The following CRTC3 variants were observed in gnomAD, a reference collection of about 807,000 sequenced individuals.
CRTC3 encodes CREB regulated transcription coactivator 3, also known as CREB-regulated transcription coactivator 3.
CRTC3 carries 26 observed loss-of-function variants against 74.5 expected under a neutral mutation model. The ratio of observed to expected loss-of-function variants is 0.35; its 90% CI spans 0.26 to 0.48. The LOEUF is 0.48. Ranked by LOEUF, CRTC3 falls within the 20% of genes least tolerant of loss-of-function variation. The probability of loss-of-function intolerance (pLI) is 0.99; values close to 1 mark genes in which losing one functional copy is unlikely to be tolerated. For synonymous variants in CRTC3, 377 were observed against 325.8 expected, an observed-to-expected ratio of 1.16 and a Z score of -1.69; for missense variants, 760 against 787.3, an observed-to-expected ratio of 0.97 and a Z score of 0.41.
chr15:90,538,043 G>C (rs996906637), intron 1 of CRTC3, among the ~76,000 whole-genome samples: 3 of 152,232 alleles, frequency 2.0e-5, no homozygotes, highest in African/African-American at 7.2e-5. Flanking sequence ...TTTTGGGTAA[G>C]AGTTGAAGCC....
chr15:90,559,268 C>T (rs1596082786), intron 2 of CRTC3, among the ~76,000 whole-genome samples: 1 of 152,136 alleles, frequency 6.6e-6, no homozygotes, highest in African/African-American at 2.4e-5. Context: ...TGAATTCTTA[C>T]AGTAACCTTA....
At chr15:90,531,006 T>G (rs942088784) in intron 1 of CRTC3, among the ~76,000 whole-genome samples, 3 of 151,812 alleles carry the variant, frequency 2.0e-5, no homozygotes, top group Admixed American at 2.0e-4. Context: ...GGGGCTGGCC[T>G]TGAGGATCCT....
rs139835228 is a variant in CRTC3 at position 90,593,648 on chromosome 15, C to A, written c.244C>A (p.Gln82Lys). ...CTTCTCTCTGCAGCCGTCATTTCAC[C>A]AAGCTGATAATGTTCGGGGAACCCG... Reference protein sequence around the residue: ...SASEFQPSFHQADNVRGTRHH... With the variant: ...SASEFQPSFHKADNVRGTRHH... The change falls in exon 3 of 15, where the codon CAA (glutamine) becomes AAA (lysine). Residue 82 changes from glutamine (Q) to lysine (K), a missense_variant. Around this residue, in one of 2 missense-constraint regions of CRTC3, gnomAD observed 108 missense variants for 152.1 expected, o/e 0.71. Transcript: ENST00000268184. 5.2e-5 allele frequency: 83 copies of A among 1,607,696 alleles called. No homozygotes were observed. In the African/African-American group the frequency reaches 1.0e-3, roughly 20 times the overall value.
chr15:90,538,220 T>C (rs926144121), intron 1 of CRTC3, among the ~76,000 whole-genome samples: 4 of 152,222 alleles, frequency 2.6e-5, no homozygotes, highest in Admixed American at 6.5e-5. Context: ...TGGCTGAGAA[T>C]TTTGTCCAGA....
At chr15:90,552,275 T>A (rs1034919876) in intron 2 of CRTC3, among the ~76,000 whole-genome samples, 1 of 152,190 alleles carries the variant, frequency 6.6e-6, no homozygotes, top group Non-Finnish European at 1.5e-5. Context: ...ATCTGGCCAC[T>A]GCCCCTCGGT....
At chr15:90,615,632 A>G (rs1008985732) in intron 7 of CRTC3, among the ~76,000 whole-genome samples, 2 of 152,242 alleles carry the variant, frequency 1.3e-5, no homozygotes, top group Non-Finnish European at 2.9e-5. Flanking sequence ...AGTGCTTCGA[A>G]GAATTCCCAA....
In CRTC3 at chr15:90,645,161, C is replaced by T. The variant is rs1403800861; in HGVS notation, c.*3021C>T. On this transcript the variant is annotated 3_prime_UTR_variant, in exon 15 of 15. Coordinates refer to ENST00000268184, the MANE Select transcript of CRTC3 (RefSeq NM_022769.5). ...TGCACAGATGGTTCCCAGCATGTGT[C>T]CAGTGCTTCATGGATGGGACCATCC... The T allele has an allele frequency of 4.4e-6, 1 of 229,816 alleles. No homozygotes were observed. The highest frequency in any genetic ancestry group is 8.6e-6 in the Non-Finnish European group (1 of 115,822). The allele number at this position is 229,816 out of a possible 1,614,324, so 14.2% of individuals were successfully genotyped here. A position where few individuals can be genotyped will look rare whatever the true frequency, so the allele number is the denominator to read the frequency against.
intron 3 of CRTC3, chr15:90,600,684 C>T (rs1411527282): frequency 6.6e-6 from 1 of 152,210 alleles, no homozygotes; most frequent in Non-Finnish European, 1.5e-5. Context: ...AGTGTGAACT[C>T]AGCACAGGCC....
intron 2 of CRTC3, among the ~76,000 whole-genome samples, chr15:90,548,768 A>C (rs1211176694): frequency 3.9e-5 from 6 of 152,236 alleles, no homozygotes; most frequent in Non-Finnish European, 7.3e-5. Context: ...TTTATGTGAT[A>C]AAACAACATA....
intron 3 of CRTC3, chr15:90,598,711 A>G: frequency 1.7e-6 from 1 of 594,142 alleles, no homozygotes; most frequent in Non-Finnish European, 3.0e-6. Flanking sequence ...AGAGAACTTG[A>G]GTAGGCAGTT....
chr15:90,545,002 C>T (rs1438983965), intron 2 of CRTC3, among the ~76,000 whole-genome samples: 1 of 152,172 alleles, frequency 6.6e-6, no homozygotes, highest in East Asian at 1.9e-4. Flanking sequence ...TAAGAATTCT[C>T]CATGTTCCCT....
intron 2 of CRTC3, among the ~76,000 whole-genome samples, chr15:90,585,447 G>C (rs1967637063): frequency 2.2e-5 from 3 of 133,768 alleles, no homozygotes; most frequent in Admixed American, 2.2e-4. Flanking sequence ...GCCCAGTCTG[G>C]AAAATTCCTT....
At chr15:90,546,844 C>T (rs904930645) in intron 2 of CRTC3, among the ~76,000 whole-genome samples, 1 of 152,130 alleles carries the variant, frequency 6.6e-6, no homozygotes, top group Non-Finnish European at 1.5e-5. Flanking sequence ...AGGATGGTCT[C>T]GATCTCCTGA....
At chr15:90,580,689 A>G (rs1212268595) in intron 2 of CRTC3, among the ~76,000 whole-genome samples, 1 of 151,798 alleles carries the variant, frequency 6.6e-6, no homozygotes, top group Non-Finnish European at 1.5e-5. Context: ...CAGCCTCCCA[A>G]AGTGCTGTGA....
At chr15:90,563,785 A>G (rs1967063725) in intron 2 of CRTC3, among the ~76,000 whole-genome samples, 1 of 152,224 alleles carries the variant, frequency 6.6e-6, no homozygotes, top group African/African-American at 2.4e-5. Context: ...CTTAGTCTGA[A>G]GGTTTTCAGC....
chr15:90,607,766 A>C lies in CRTC3; in HGVS notation c.577+288A>C, dbSNP rs60186366. Among the ~76,000 whole-genome samples the C allele has an allele frequency of 2.0e-5, 3 of 152,240 alleles. No homozygotes were observed. In the East Asian group the frequency reaches 5.8e-4, roughly 29 times the overall value. ...TAATAACTTCCTGACTGGTCTCCTG[A>C]TTTCCAGTCTCACATCCCTTCAATC... On this transcript the variant is annotated intron_variant, in intron 6 of 14. Transcript: ENST00000268184.
At chr15:90,570,950 A>G (rs990757016) in intron 2 of CRTC3, among the ~76,000 whole-genome samples, 2 of 152,244 alleles carry the variant, frequency 1.3e-5, no homozygotes, top group African/African-American at 4.8e-5. Flanking sequence ...CAGCTATGAA[A>G]AAAACTACAC....
chr15:90,586,540 G>A (rs1305188615), intron 2 of CRTC3, among the ~76,000 whole-genome samples: 8 of 151,470 alleles, frequency 5.3e-5, no homozygotes, highest in African/African-American at 1.9e-4. Flanking sequence ...TAATTTTTGT[G>A]TTTTTAGTAG....
At chr15:90,574,475 T>TCAAAA (rs199729294) in intron 2 of CRTC3, among the ~76,000 whole-genome samples, 2 of 152,082 alleles carry the variant, frequency 1.3e-5, no homozygotes. Flanking sequence ...AGACTCTGTC[T>TCAAAA]CAAAACAAAA....
Sources: allele counts gnomAD v4.1 joint callset (sites outside exome capture counted in the v4.1 genomes callset), GRCh38; gene constraint gnomAD v4.1.1; regional missense constraint gnomAD v4.1.1; transcripts MANE v1.5; gene names NCBI Gene and HGNC (gene_info 2026-07-23, HGNC 2026-07-21).